Variants in DOT1L observed in about 807,000 individuals in gnomAD.
DOT1L encodes histone-lysine N-methyltransferase, H3 lysine-79 specific.
DOT1L carries 33 observed loss-of-function variants against 153.3 expected under a neutral mutation model. The ratio of observed to expected loss-of-function variants is 0.22; its 90% CI spans 0.16 to 0.29. DOT1L has a LOEUF of 0.29. Ranked by LOEUF, DOT1L falls within the 10% of genes least tolerant of loss-of-function variation. DOT1L has a pLI of 1.00. For synonymous variants in DOT1L, 1,135 were observed against 965.1 expected (o/e 1.18, Z -3.26); for missense variants, 1,847 against 2,119.9 (o/e 0.87, Z 2.53).
intron 26 of DOT1L, among the ~76,000 whole-genome samples, 176 bp from the exon 27 acceptor site, chr19:2,226,007 C>T (rs556573115): frequency 2.0e-5 from 3 of 152,148 alleles, no homozygotes; most frequent in Non-Finnish European, 4.4e-5. Context: ...CCATCTTGTC[C>T]CCTCCCGTCC....
At chr19:2,192,911 G>A (rs548146551) in intron 5 of DOT1L, among the ~76,000 whole-genome samples, 1 of 152,298 alleles carries the variant, frequency 6.6e-6, no homozygotes, top group Non-Finnish European at 1.5e-5. Context: ...GCACTTGCTG[G>A]CCGGGCCCTG....
Position 2,182,820 on chromosome 19 carries a change from A to G in DOT1L, c.125+2064A>G, listed in dbSNP as rs2022304779. Among the ~76,000 whole-genome samples the G allele has an allele frequency of 1.3e-5, 2 of 152,096 alleles. 1 individual carries two copies. The highest frequency in any genetic ancestry group is 2.9e-5 in the Non-Finnish European group (2 of 68,000). On this transcript the variant is annotated intron_variant, in intron 2 of 27. Transcript: ENST00000398665. ...GCGGTGAGAGTGCCTCTCTGGCTGC[A>G]TGCTCGCCTTCTGCAGGGCTCGGAG...
At chr19:2,200,693 C>T (rs1290768242) in intron 8 of DOT1L, among the ~76,000 whole-genome samples, 3 of 152,054 alleles carry the variant, frequency 2.0e-5, no homozygotes, top group Admixed American at 6.6e-5. Flanking sequence ...CTCTCTGCGC[C>T]CCTCGTCCTC....
rs377129936 is a variant in DOT1L, at chr19:2,191,289, G to A, written c.493+49G>A. 9 of 1,572,060 alleles carry A rather than the reference G, an allele frequency of 5.7e-6. No individual in the cohort carries two copies. Among genetic ancestry groups the A allele is most frequent in the South Asian group, 1.1e-5 (1 of 90,174 alleles). Reference sequence around the variant, plus strand: ...GCTCCTGTGCACTTCCAGGCCACACGCTCTGTGCCTGCCCCATGCCTGCTT... The same window carrying A: ...GCTCCTGTGCACTTCCAGGCCACACACTCTGTGCCTGCCCCATGCCTGCTT... On this transcript the variant is annotated intron_variant, in intron 5 of 27. Coordinates refer to ENST00000398665, the MANE Select transcript of DOT1L (RefSeq NM_032482.3). This position sits in a 1 kb window ranked among gnomAD's most constrained non-coding sequence, Gnocchi z 6.8.
In DOT1L at chr19:2,191,630, T is replaced by A. The variant is rs2022798846; in HGVS notation, c.493+390T>A. ...CCACGGCTGCAGCCTGCCGCAGTCC[T>A]TCCCTGGGCACACCTGCTCCCTCCA... On this transcript the variant is annotated intron_variant, in intron 5 of 27. Transcript: ENST00000398665. This position sits in a 1 kb window ranked among gnomAD's most constrained non-coding sequence, Gnocchi z 6.8. 6.6e-6 allele frequency among the ~76,000 whole-genome samples: 1 copy of A among 152,076 alleles called. No individual in the cohort carries two copies. Among genetic ancestry groups the A allele is most frequent in the East Asian group, 1.9e-4 (1 of 5,168 alleles).
Position 2,191,322 on chromosome 19 carries a change from A to C in DOT1L, c.493+82A>C, listed in dbSNP as rs780755488. The C allele has an allele frequency of 1.4e-6, 2 of 1,428,080 alleles. No individual in the cohort carries two copies. The highest frequency in any genetic ancestry group is 2.8e-5 in the African/African-American group (2 of 70,976). 88.5% of individuals were successfully genotyped at this position (1,428,080 alleles called of 1,614,324 possible). A position where few individuals can be genotyped will look rare whatever the true frequency, so the allele number is the denominator to read the frequency against. The stretch of plus-strand genomic sequence containing the variant: ...CCTGCCCCATGCCTGCTTGGAGAAG[A>C]GTTTATCAGGGACTTGCGACGTTGG... On this transcript the variant is annotated intron_variant, in intron 5 of 27. Coordinates refer to ENST00000398665, the MANE Select transcript of DOT1L (RefSeq NM_032482.3). This position sits in a 1 kb window ranked among gnomAD's most constrained non-coding sequence, Gnocchi z 6.8.
chr19:2,180,806 C>T (rs1386248459), intron 2 of DOT1L, 50 bp downstream of exon 2: 7 of 1,604,444 alleles, frequency 4.4e-6, no homozygotes, highest in East Asian at 4.5e-5. Flanking sequence ...GAGCCACTTC[C>T]GTGGACACCC....
In DOT1L at chr19:2,223,028, T is replaced by G. The variant is rs543714498; in HGVS notation, c.3391-253T>G. 376 of 531,426 alleles carry G rather than the reference T, an allele frequency of 7.1e-4. 6 individuals carry two copies. The South Asian group carries it at 1.0e-2, about 14-fold the overall frequency. The allele number at this position is 531,426 out of a possible 1,614,324, so 32.9% of individuals were successfully genotyped here. ...GAGTGCGATGCGCTGCCTGCAAGCTTCTTCATTCTCGGCTGTGGGGCCTTA... is the reference window on the plus strand; with the variant it reads ...GAGTGCGATGCGCTGCCTGCAAGCTGCTTCATTCTCGGCTGTGGGGCCTTA... On this transcript the variant is annotated intron_variant, in intron 24 of 27. Coordinates refer to ENST00000398665, the MANE Select transcript of DOT1L (RefSeq NM_032482.3).
intron 1 of DOT1L, 70 bp from the exon 2 acceptor site, chr19:2,180,643 C>A (rs1286123282): frequency 1.3e-6 from 2 of 1,582,636 alleles, no homozygotes; most frequent in Non-Finnish European, 1.7e-6. Context: ...CATCGCTTGT[C>A]CGGGAAGAGA....
chr19:2,209,923 G>A (rs998635320), intron 12 of DOT1L, among the ~76,000 whole-genome samples: 3 of 152,092 alleles, frequency 2.0e-5, no homozygotes, highest in African/African-American at 4.8e-5. Flanking sequence ...GGTGGCCGGC[G>A]CACCCTGTGT....
chr19:2,164,409 C>G (rs1375863553), intron 1 of DOT1L, 144 bp downstream of exon 1: 2 of 501,498 alleles, frequency 4.0e-6, no homozygotes, highest in South Asian at 1.0e-4. Flanking sequence ...GCTCCACCCC[C>G]GTTGCTTCCC....
At chr19:2,192,443 G>A (rs2022835660) in intron 5 of DOT1L, among the ~76,000 whole-genome samples, 1 of 152,190 alleles carries the variant, frequency 6.6e-6, no homozygotes, top group African/African-American at 2.4e-5. Context: ...CAAAGCAGGC[G>A]GATCTGAGCT....
At chr19:2,165,914 G>T (rs2019900134) in intron 1 of DOT1L, among the ~76,000 whole-genome samples, 1 of 150,100 alleles carries the variant, frequency 6.7e-6, no homozygotes, top group East Asian at 2.0e-4. Context: ...GACTATAGGC[G>T]CCCGCCACCA....
chr19:2,198,828 G>A (rs1431668158), intron 7 of DOT1L, among the ~76,000 whole-genome samples: 4 of 152,190 alleles, frequency 2.6e-5, no homozygotes, highest in African/African-American at 4.8e-5. Context: ...TGTGTCCGGC[G>A]TCTCTCACTG....
chr19:2,202,565 C>T (rs774271159), intron 8 of DOT1L, 135 bp from the exon 9 acceptor site: 86 of 817,694 alleles, frequency 1.1e-4, no homozygotes, highest in Non-Finnish European at 1.5e-4. Context: ...CGCTCAGCTG[C>T]GTGGGCTTGG....
At chr19:2,216,828 C>T (rs1467030164) in intron 20 of DOT1L, 63 bp downstream of exon 20, 1 of 1,555,252 alleles carries the variant, frequency 6.4e-7, no homozygotes, top group African/African-American at 1.3e-5. Flanking sequence ...CTGGTGTGCT[C>T]AGGCTGTCGG....
In DOT1L at chr19:2,222,101, G is replaced by C. The variant is rs1256978379; in HGVS notation, c.2932G>C (p.Val978Leu). Reference sequence around the variant, plus strand: ...CAGCTCTGGGAGCCTTTTTGCCACCGTGGGGTCCCGCAGCTCCACGCCACA... The same window carrying C: ...CAGCTCTGGGAGCCTTTTTGCCACCCTGGGGTCCCGCAGCTCCACGCCACA... ...SSSSGSLFAT[V>L]GSRSSTPQHP... Residue 978 changes from valine to leucine, a missense_variant, in exon 24 of 28, where the codon GTG becomes CTG. Val to Leu is a conservative substitution (Grantham distance 32). This residue lies in a region of DOT1L where 934 missense variants were observed against 825.3 expected (regional missense o/e 1.13). Coordinates refer to ENST00000398665, the MANE Select transcript of DOT1L (RefSeq NM_032482.3). This position sits in a 1 kb window ranked among gnomAD's most constrained non-coding sequence, Gnocchi z 6.5. 10 of 1,613,210 alleles carry C rather than the reference G, an allele frequency of 6.2e-6. No individual in the cohort carries two copies. The East Asian group carries it at 1.3e-4, about 22-fold the overall frequency.
In DOT1L at chr19:2,172,739, G is replaced by A. The variant is rs192919523; in HGVS notation, c.82-7974G>A. Among the ~76,000 whole-genome samples the A allele has an allele frequency of 2.1e-3, 312 of 151,774 alleles. 1 individual carries two copies. The highest frequency in any genetic ancestry group is 7.3e-3 in the African/African-American group (304 of 41,376). On this transcript the variant is annotated intron_variant, in intron 1 of 27. Coordinates refer to ENST00000398665, the MANE Select transcript of DOT1L (RefSeq NM_032482.3). ...AGGCTGGTCTCAAACTCCTGACCTC[G>A]TGGTCTGCCTGCCCTGCCTCCCAAA... is the stretch of plus-strand genomic sequence containing the variant.
chr19:2,228,458 G>A, intron 27 of DOT1L: 2 of 1,218,894 alleles, frequency 1.6e-6, no homozygotes, highest in Non-Finnish European at 2.1e-6. Flanking sequence ...GACGGCCACA[G>A]GGCTCGGCAG....
Sources: allele counts gnomAD v4.1 joint callset (sites outside exome capture counted in the v4.1 genomes callset), GRCh38; gene constraint gnomAD v4.1.1; regional missense constraint gnomAD v4.1.1; non-coding constraint Gnocchi (gnomAD v3.1); transcripts MANE v1.5; gene names NCBI Gene and HGNC (gene_info 2026-07-23, HGNC 2026-07-21).